The following TG variants were observed in gnomAD, a reference collection of about 807,000 sequenced individuals.
TG encodes thyroglobulin, also known as thyroid hormones.
Under a neutral mutation model 324.7 loss-of-function variants are expected in TG, and 270 were observed. The ratio of observed to expected loss-of-function variants is 0.83; its 90% CI spans 0.75 to 0.92. TG has a LOEUF of 0.92. TG is among the 40% of genes least tolerant of loss of function. The pLI, the probability that TG is intolerant of heterozygous loss-of-function variation, is 0.00. For synonymous variants in TG, 1,401 were observed against 1,327.0 expected (o/e 1.06, Z -1.21); for missense variants, 3,591 against 3,456.4 (o/e 1.04, Z -0.98).
intron 35 of TG, chr8:132,995,595 C>A (rs1405670578): frequency 3.4e-6 from 3 of 892,246 alleles, no homozygotes; most frequent in African/African-American, 3.6e-5. Flanking sequence ...ATGCATGTGA[C>A]CCCATGAAAG....
chr8:132,888,415 C>T lies in TG; in HGVS notation c.2608C>T (p.Gln870Ter). 1.2e-6 allele frequency: 2 copies of T among 1,613,634 alleles called. No homozygotes were observed. Among genetic ancestry groups the T allele is most frequent in the Non-Finnish European group, 1.7e-6 (2 of 1,179,614 alleles). The change falls in exon 10 of 48, where the codon CAG (glutamine) becomes TAG (stop). Residue 870 changes from glutamine to a stop codon, truncating the protein, a stop_gained. Transcript: ENST00000220616. LOFTEE classifies it high-confidence loss of function. ...NILLEPYLFW[Q>*]ILNGQLSQYP... is the part of the protein sequence containing the mutation. ...CCTCCTGGAGCCCTACCTCTTCTGG[C>T]AGATCTTAAATGGCCAACTCAGCCA...
chr8:133,134,701 A>G lies in TG; in HGVS notation c.8214A>G (p.Ala2738=). 1 of 1,614,030 alleles carries G rather than the reference A, an allele frequency of 6.2e-7. No individual in the cohort carries two copies. Among genetic ancestry groups the G allele is most frequent in the South Asian group, 1.1e-5 (1 of 91,084 alleles). ...ATGGAGCCAAGGGCGGGCAGTCAGCAGAGAGTGAAGAGGAGGAGTTGACGG... is the reference window on the plus strand; with the variant it reads ...ATGGAGCCAAGGGCGGGCAGTCAGCGGAGAGTGAAGAGGAGGAGTTGACGG... ...SADGAKGGQS[A]ESEEEELTAG... Residue 2738 remains alanine, a synonymous_variant, in exon 48 of 48, where the codon GCA becomes GCG. Coordinates refer to ENST00000220616, the MANE Select transcript of TG (RefSeq NM_003235.5).
At chr8:132,900,722 T>C (rs1193898526) in intron 15 of TG, among the ~76,000 whole-genome samples, 1 of 152,192 alleles carries the variant, frequency 6.6e-6, no homozygotes, top group African/African-American at 2.4e-5. Flanking sequence ...CTCTTCTGCC[T>C]AAACACCATA....
At chr8:133,019,113 C>G (rs1835327791) in intron 38 of TG, among the ~76,000 whole-genome samples, 1 of 152,162 alleles carries the variant, frequency 6.6e-6, no homozygotes, top group Non-Finnish European at 1.5e-5. Context: ...GGTGATGAGC[C>G]AAGTCACCCA....
chr8:132,901,272 G>C, intron 15 of TG, 81 bp from the exon 16 acceptor site: 2 of 1,552,172 alleles, frequency 1.3e-6, no homozygotes, highest in South Asian at 2.2e-5. Context: ...GGGTGGCCGT[G>C]GGTGGTGAGG....
At chr8:133,122,314 G>A (rs796253932) in intron 45 of TG, among the ~76,000 whole-genome samples, 7 of 152,328 alleles carry the variant, frequency 4.6e-5, no homozygotes, top group African/African-American at 1.7e-4. Context: ...AGTGTGAGAA[G>A]AAGGTTCTAG....
intron 41 of TG, chr8:133,038,433 A>G (rs3739266): frequency 0.48 from 467,475 of 973,326 alleles, 116,474 homozygotes; most frequent in African/African-American, 0.57. Context: ...TGAGGCTCCC[A>G]GGGATCAGGG....
chr8:132,933,228 G>T, intron 23 of TG, among the ~76,000 whole-genome samples: 1 of 2,274 alleles, frequency 4.4e-4, no homozygotes, highest in Non-Finnish European at 6.6e-4. Flanking sequence ...GGAGGTGTGT[G>T]TATTTGAATG....
intron 6 of TG, 27 bp from the exon 7 acceptor site, chr8:132,882,442 T>C (rs1814777208): frequency 1.2e-6 from 2 of 1,614,142 alleles, no homozygotes; most frequent in East Asian, 4.5e-5. Context: ...TGAGACCATC[T>C]CTGAAAGTCT....
intron 41 of TG, chr8:133,047,221 T>C (rs1839586169): frequency 6.6e-6 from 1 of 152,288 alleles, no homozygotes; most frequent in Non-Finnish European, 1.5e-5. Context: ...GTTTTTACTG[T>C]GGTACTTAAT....
At chr8:133,052,152 T>G (rs1731899236) in intron 41 of TG, among the ~76,000 whole-genome samples, 1 of 152,224 alleles carries the variant, frequency 6.6e-6, no homozygotes, top group Non-Finnish European at 1.5e-5. Flanking sequence ...AACTCATATG[T>G]CTTGCAGCCT....
At position 133,029,801 on chromosome 8, in the gene TG, G is replaced by A. The variant is rs1001724403; in HGVS notation, c.7037-20G>A. 6.2e-7 allele frequency: 1 copy of A among 1,613,980 alleles called. No homozygotes were observed. Among genetic ancestry groups the A allele is most frequent in the Non-Finnish European group, 8.5e-7 (1 of 1,179,860 alleles). On this transcript the variant is annotated intron_variant, in intron 40 of 47. Transcript: ENST00000220616. ...GGTTGTAAAGTCACAAAGGATAAAA[G>A]GCTTTCCTCTTTTCTGAAGGGTCCG... is the stretch of plus-strand genomic sequence containing the variant.
rs566902782 is a variant in TG at position 132,904,968 on chromosome 8, A to G, written c.3635-1720A>G. ...GATTTTTCTGTTTACTAGCTATCTG[A>G]CCACAGAAGAGGCATTCACCCTCTG... is the stretch of plus-strand genomic sequence containing the variant. On this transcript the variant is annotated intron_variant, in intron 16 of 47. Coordinates refer to ENST00000220616, the MANE Select transcript of TG (RefSeq NM_003235.5). Among the ~76,000 whole-genome samples, 3 of 152,248 alleles carry G rather than the reference A, an allele frequency of 2.0e-5. No homozygotes were observed. The South Asian group carries it at 6.2e-4, about 32-fold the overall frequency.
chr8:132,932,790 T>A (rs1159578372), intron 23 of TG, among the ~76,000 whole-genome samples: 1 of 152,222 alleles, frequency 6.6e-6, no homozygotes, highest in Non-Finnish European at 1.5e-5. Flanking sequence ...TTCTATTCTA[T>A]CATTCAATCC....
rs754197962 is a variant in TG, at chr8:132,961,069, G to A, written c.5463G>A (p.Trp1821Ter). Residue 1821 changes from tryptophan to a stop codon, truncating the protein, a stop_gained, in exon 28 of 48, where the codon TGG becomes TGA. Transcript: ENST00000220616. LOFTEE classifies it high-confidence loss of function. ...TFTNFQQVYL[W>*]KDSDMGSRPE... Reference sequence around the variant, plus strand: ...CCAATTTTCAGCAGGTTTATCTCTGGAAAGGTGAGCTCCGTGGTGGAAGAG... The same window carrying A: ...CCAATTTTCAGCAGGTTTATCTCTGAAAAGGTGAGCTCCGTGGTGGAAGAG... 2 of 1,613,912 alleles carry A rather than the reference G, an allele frequency of 1.2e-6. No individual in the cohort carries two copies. The highest frequency in any genetic ancestry group is 2.7e-5 in the African/African-American group (2 of 74,886).
intron 5 of TG, among the ~76,000 whole-genome samples, chr8:132,875,134 C>T (rs560337445): frequency 7.2e-4 from 110 of 152,248 alleles, no homozygotes; most frequent in African/African-American, 2.5e-3. Context: ...ATCTATGAAA[C>T]CATGGGTGCA....
At chr8:133,131,543 C>T (rs185067990) in intron 45 of TG, among the ~76,000 whole-genome samples, 88 of 152,268 alleles carry the variant, frequency 5.8e-4, no homozygotes, top group Non-Finnish European at 1.1e-3. Flanking sequence ...GGAGGTTTCT[C>T]GCAGGCATTA....
At chr8:133,021,890 G>C (rs1835599026) in intron 39 of TG, 101 bp from the exon 40 acceptor site, 1 of 1,450,524 alleles carries the variant, frequency 6.9e-7, no homozygotes, top group Non-Finnish European at 9.6e-7. Context: ...GTATGCCACA[G>C]AGCTGGCCAG....
chr8:132,926,338 A>G (rs932163346), intron 22 of TG, among the ~76,000 whole-genome samples: 3 of 152,196 alleles, frequency 2.0e-5, no homozygotes, highest in Non-Finnish European at 2.9e-5. Context: ...CAGTTTTTCT[A>G]TGATGCTTCT....
Sources: gnomAD v4.1 joint callset for allele counts (sites outside exome capture counted in the v4.1 genomes callset) on GRCh38, gnomAD v4.1.1 for gene constraint, MANE v1.5 for transcripts, NCBI Gene and HGNC (gene_info 2026-07-23, HGNC 2026-07-21) for gene names.